TRPM3: variants seen among roughly 807,000 people sequenced by gnomAD.
The protein encoded by TRPM3 is transient receptor potential cation channel subfamily M member 3.
TRPM3 carries 77 observed loss-of-function variants against 181.2 expected under a neutral mutation model. The ratio of observed to expected loss-of-function variants is 0.42; its 90% CI spans 0.35 to 0.51. TRPM3 has a LOEUF of 0.51. TRPM3 is among the 20% of genes least tolerant of loss of function. The pLI, the probability that TRPM3 is intolerant of heterozygous loss-of-function variation, is 0.01. For missense variants in TRPM3, 1,759 were observed against 2,196.7 expected, an observed-to-expected ratio of 0.80 and a Z score of 3.98; for synonymous variants, 745 against 796.4, an observed-to-expected ratio of 0.94 and a Z score of 1.09.
At chr9:70,565,300 A>AT (rs138794076) in intron 22 of TRPM3, among the ~76,000 whole-genome samples, 90 of 150,052 alleles carry the variant, frequency 6.0e-4, no homozygotes, top group South Asian at 8.5e-4. Flanking sequence ...TTTTATTTTT[A>AT]TTTTTTTTTT....
Position 70,846,420 on chromosome 9 carries a change from T to C in TRPM3, c.634A>G (p.Met212Val), listed in dbSNP as rs778019859. The change falls in exon 4 of 26, where the codon ATG becomes GTG. Residue 212 changes from methionine to valine, a missense_variant. By Grantham distance (21) the Met-to-Val change is conservative. Transcript: ENST00000677713. The stretch of plus-strand genomic sequence containing the variant: ...GTGAATATCCACGCTCCAGTTGTCA[T>C]TGCTGCTTTGATGAGCCCTTTCCCA... ...VFGKGLIKAAMTTGAWIFTGG... is the reference protein window; with the variant it reads ...VFGKGLIKAAVTTGAWIFTGG... The C allele has an allele frequency of 7.6e-5, 122 of 1,614,174 alleles. 2 individuals carry two copies. The South Asian group carries it at 1.1e-3, about 15-fold the overall frequency.
intron 1 of TRPM3, among the ~76,000 whole-genome samples, chr9:71,317,106 C>T (rs1169414757): frequency 6.6e-6 from 1 of 152,118 alleles, no homozygotes; most frequent in Admixed American, 6.6e-5. Context: ...TGTATTACAA[C>T]CAGAATGTAC....
At chr9:70,761,778 A>G in intron 7 of TRPM3, 54 bp from the exon 8 acceptor site, 3 of 1,561,262 alleles carry the variant, frequency 1.9e-6, no homozygotes, top group East Asian at 4.5e-5. Flanking sequence ...TTCAGCAAGT[A>G]TTTCTGAGAA....
chr9:70,895,706 G>A (rs1044142530), intron 1 of TRPM3, among the ~76,000 whole-genome samples: 1 of 152,020 alleles, frequency 6.6e-6, no homozygotes, highest in Non-Finnish European at 1.5e-5. Flanking sequence ...AAACTATCTG[G>A]GGGGAACTGA....
chr9:70,827,958 T>G lies in TRPM3; in HGVS notation c.862A>C (p.Met288Leu). 2.5e-6 allele frequency: 4 copies of G among 1,614,126 alleles called. No individual in the cohort carries two copies. Among genetic ancestry groups the G allele is most frequent in the Non-Finnish European group, 3.4e-6 (4 of 1,179,994 alleles). Residue 288 changes from methionine to leucine, a missense_variant, in exon 6 of 26, where the codon ATG becomes CTG. By Grantham distance (15) the Met-to-Leu change is conservative. Coordinates refer to ENST00000677713, the MANE Select transcript of TRPM3 (RefSeq NM_001366145.2). ...PMSKLTVLNS[M>L]HSHFILADNG... Reference sequence around the variant, plus strand: ...TCAGCCAGAATGAAGTGGGAATGCATGCTGTTGAGAACAGTGAGCTTGCTC... The same window carrying G: ...TCAGCCAGAATGAAGTGGGAATGCAGGCTGTTGAGAACAGTGAGCTTGCTC...
At chr9:71,247,503 T>A (rs542015544) in intron 1 of TRPM3, among the ~76,000 whole-genome samples, 27 of 151,778 alleles carry the variant, frequency 1.8e-4, no homozygotes, top group Admixed American at 3.9e-4. Flanking sequence ...AGAAACTGGA[T>A]GACAAAGCTC....
At chr9:71,007,790 G>C (rs2097695601) in intron 1 of TRPM3, among the ~76,000 whole-genome samples, 1 of 152,094 alleles carries the variant, frequency 6.6e-6, no homozygotes, top group Non-Finnish European at 1.5e-5. Flanking sequence ...CACTTTTGCT[G>C]TAGAGTTTAC....
intron 20 of TRPM3, among the ~76,000 whole-genome samples, chr9:70,602,106 C>CGTT (rs778037711): frequency 1.6e-5 from 2 of 128,204 alleles, no homozygotes; most frequent in Non-Finnish European, 3.2e-5. Flanking sequence ...CAAGGCATTC[C>CGTT]TTTTTTTTTT....
At chr9:71,441,808 T>C (rs894250229) in intron 1 of TRPM3, among the ~76,000 whole-genome samples, 2 of 152,050 alleles carry the variant, frequency 1.3e-5, no homozygotes, top group African/African-American at 4.8e-5. Context: ...AATTTTTGTA[T>C]TTTTAGTAGA....
chr9:71,198,520 C>A (rs1367141765), intron 1 of TRPM3, among the ~76,000 whole-genome samples: 1 of 152,076 alleles, frequency 6.6e-6, no homozygotes, highest in Non-Finnish European at 1.5e-5. Context: ...AATGTTCTTC[C>A]ATTTCTTTGT....
chr9:71,015,519 G>T (rs2097777424), intron 1 of TRPM3, among the ~76,000 whole-genome samples: 1 of 152,134 alleles, frequency 6.6e-6, no homozygotes, highest in Non-Finnish European at 1.5e-5. Flanking sequence ...AGTCTACATT[G>T]ATCTAAGAAT....
In TRPM3 at chr9:70,579,895, C is replaced by T. The variant is rs969176772; in HGVS notation, c.3223+11136G>A. The stretch of plus-strand genomic sequence containing the variant: ...TCTTGCCCTCCAGACACTCAGTTGC[C>T]TCATGCTGGCTTCTGGCTGCTCAGG... On this transcript the variant is annotated intron_variant, in intron 22 of 25. Transcript: ENST00000677713. Among the ~76,000 whole-genome samples, 5 of 152,188 alleles carry T rather than the reference C, an allele frequency of 3.3e-5. No individual in the cohort carries two copies. In the South Asian group the frequency reaches 6.2e-4, roughly 19 times the overall value.
chr9:71,020,618 T>C (rs2134497456), intron 1 of TRPM3, among the ~76,000 whole-genome samples: 1 of 152,242 alleles, frequency 6.6e-6, no homozygotes, highest in African/African-American at 2.4e-5. Flanking sequence ...GGAAAACATA[T>C]GAAAATGTAT....
intron 1 of TRPM3, among the ~76,000 whole-genome samples, chr9:71,044,694 C>T (rs972027402): frequency 2.6e-5 from 4 of 152,078 alleles, no homozygotes; most frequent in Non-Finnish European, 4.4e-5. Flanking sequence ...TTTTTTGAGA[C>T]GGAGTCTCAC....
chr9:70,657,552 G>A (rs1232470854), intron 9 of TRPM3, among the ~76,000 whole-genome samples: 3 of 152,204 alleles, frequency 2.0e-5, no homozygotes, highest in Non-Finnish European at 4.4e-5. Context: ...TGGCCTAACA[G>A]ATTTTATGGT....
intron 1 of TRPM3, among the ~76,000 whole-genome samples, chr9:71,442,780 A>G (rs2094151720): frequency 6.6e-6 from 1 of 152,210 alleles, no homozygotes; most frequent in Non-Finnish European, 1.5e-5. Flanking sequence ...TGCTGTGGTG[A>G]GCAGCTGACA....
In TRPM3 at chr9:70,625,771, C is replaced by T. The variant is rs1007805687; in HGVS notation, c.1633-254G>A. ...CTCTCTTGATATCATTTGGTTTCTA[C>T]CACCCTTTAAAGGAAGACTCCTTTC... On this transcript the variant is annotated intron_variant, in intron 12 of 25. Coordinates refer to ENST00000677713, the MANE Select transcript of TRPM3 (RefSeq NM_001366145.2). The surrounding 1 kb of genome is among the most constrained non-coding windows in gnomAD (Gnocchi z 4.8). Among the ~76,000 whole-genome samples the T allele has an allele frequency of 1.1e-4, 17 of 152,164 alleles. No homozygotes were observed. Among genetic ancestry groups the T allele is most frequent in the African/African-American group, 3.4e-4 (14 of 41,416 alleles).
intron 9 of TRPM3, among the ~76,000 whole-genome samples, chr9:70,670,572 G>T (rs1384736982): frequency 6.6e-6 from 1 of 152,094 alleles, no homozygotes; most frequent in Admixed American, 6.5e-5. Context: ...TCAGTGGTCT[G>T]TTCTGGATTC....
At chr9:70,990,179 C>A (rs1564915079) in intron 1 of TRPM3, among the ~76,000 whole-genome samples, 1 of 152,146 alleles carries the variant, frequency 6.6e-6, no homozygotes, top group African/African-American at 2.4e-5. Context: ...TGCACTATTT[C>A]TCTCAAAATC....
Sources: allele counts gnomAD v4.1 joint callset (sites outside exome capture counted in the v4.1 genomes callset), GRCh38; gene constraint gnomAD v4.1.1; non-coding constraint Gnocchi (gnomAD v3.1); transcripts MANE v1.5; gene names NCBI Gene and HGNC (gene_info 2026-07-23, HGNC 2026-07-21).